The following MYO1B variants were observed in gnomAD, a reference collection of about 807,000 sequenced individuals.
MYO1B encodes the protein unconventional myosin-Ib.
A neutral mutation model predicts 159.7 loss-of-function variants in MYO1B; 72 were observed. That is an observed-to-expected ratio of 0.45 (90% confidence interval 0.37 to 0.55). The LOEUF (loss-of-function observed/expected upper bound fraction) is 0.55. MYO1B is among the 20% of genes least tolerant of loss of function. The pLI is 0.00. For missense variants in MYO1B, 1,062 were observed against 1,364.8 expected, an observed-to-expected ratio of 0.78 and a Z score of 3.50; for synonymous variants, 468 against 473.8, an observed-to-expected ratio of 0.99 and a Z score of 0.16.
intron 13 of MYO1B, among the ~76,000 whole-genome samples, chr2:191,380,126 T>C (rs1037651409): frequency 1.3e-5 from 2 of 152,204 alleles, no homozygotes; most frequent in African/African-American, 2.4e-5. Context: ...GAGTTTAAAA[T>C]TTCCTCTGAT....
Position 191,363,803 on chromosome 2 carries a change from C to T in MYO1B, c.841C>T (p.Leu281=), listed in dbSNP as rs1693829764. 3.7e-6 allele frequency: 6 copies of T among 1,613,392 alleles called. No homozygotes were observed. The highest frequency in any genetic ancestry group is 1.1e-5 in the South Asian group (1 of 91,032). The change falls in exon 10 of 31, where the codon CTG becomes TTG. Residue 281 remains leucine, a synonymous_variant. Coordinates refer to ENST00000392318, the MANE Select transcript of MYO1B (RefSeq NM_001130158.3). Reference sequence around the variant, plus strand: ...GGCGGTGGTGGCAGCAGTGTTGAAACTGGGGAACATTGAGTTCAAGCCCGA... The same window carrying T: ...GGCGGTGGTGGCAGCAGTGTTGAAATTGGGGAACATTGAGTTCAAGCCCGA... ...VLAVVAAVLK[L]GNIEFKPESR...
At chr2:191,310,232 T>C (rs182230072) in intron 3 of MYO1B, among the ~76,000 whole-genome samples, 20 of 152,286 alleles carry the variant, frequency 1.3e-4, no homozygotes, top group African/African-American at 4.8e-4. Flanking sequence ...AGACAGAATC[T>C]TACACTCTCA....
intron 3 of MYO1B, among the ~76,000 whole-genome samples, chr2:191,306,021 T>A (rs969163406): frequency 1.6e-4 from 25 of 152,188 alleles, no homozygotes; most frequent in Middle Eastern, 3.4e-3. Flanking sequence ...GACAAAAATC[T>A]TGGCCTTTTT....
chr2:191,292,085 C>G (rs147022338), intron 2 of MYO1B, among the ~76,000 whole-genome samples: 2 of 152,132 alleles, frequency 1.3e-5, no homozygotes, highest in Non-Finnish European at 2.9e-5. Context: ...TAGGATGAAC[C>G]TGTTAGGAGT....
chr2:191,414,471 A>G (rs936320772), intron 28 of MYO1B, 46 bp from the exon 29 acceptor site: 14 of 1,522,234 alleles, frequency 9.2e-6, no homozygotes, highest in Admixed American at 2.2e-5. Flanking sequence ...ACCATTTTTG[A>G]GTATTTGTGA....
chr2:191,297,651 A>G (rs1370568150), intron 3 of MYO1B, among the ~76,000 whole-genome samples: 1 of 152,188 alleles, frequency 6.6e-6, no homozygotes, highest in Non-Finnish European at 1.5e-5. Flanking sequence ...TTGGTTGCGG[A>G]AAAGATTTAT....
At chr2:191,368,646 G>GAACT (rs1694164165) in intron 11 of MYO1B, among the ~76,000 whole-genome samples, 1 of 152,244 alleles carries the variant, frequency 6.6e-6, no homozygotes, top group Admixed American at 6.5e-5. Flanking sequence ...TAACTTAAAA[G>GAACT]AACTCATTGT....
At chr2:191,392,980 A>G (rs1245840382) in intron 19 of MYO1B, 93 bp from the exon 20 acceptor site, 7 of 1,136,986 alleles carry the variant, frequency 6.2e-6, no homozygotes, top group African/African-American at 3.1e-5. Context: ...ATTGACTCCA[A>G]CATGATGGCA....
At chr2:191,376,529 C>T (rs947554911) in intron 13 of MYO1B, among the ~76,000 whole-genome samples, 5 of 152,092 alleles carry the variant, frequency 3.3e-5, no homozygotes, top group Non-Finnish European at 4.4e-5. Flanking sequence ...ACTCAAAATC[C>T]TGTAACTTTT....
intron 2 of MYO1B, among the ~76,000 whole-genome samples, chr2:191,281,778 G>A (rs777619363): frequency 5.9e-5 from 9 of 152,338 alleles, no homozygotes; most frequent in East Asian, 1.9e-4. Context: ...GTTCTCTGAC[G>A]AGAAGTATAT....
chr2:191,422,233 T>A (rs910009714), intron 30 of MYO1B, among the ~76,000 whole-genome samples: 1 of 152,184 alleles, frequency 6.6e-6, no homozygotes, highest in African/African-American at 2.4e-5. Context: ...GTCATAATGC[T>A]ATGCTAATTA....
intron 30 of MYO1B, among the ~76,000 whole-genome samples, chr2:191,417,307 A>AT (rs1226024844): frequency 6.6e-6 from 1 of 152,150 alleles, no homozygotes; most frequent in Admixed American, 6.5e-5. Context: ...TATATTGGAA[A>AT]TTGCTGTTCG....
intron 13 of MYO1B, among the ~76,000 whole-genome samples, chr2:191,374,365 G>A (rs551085058): frequency 2.0e-5 from 3 of 152,328 alleles, no homozygotes; most frequent in African/African-American, 7.2e-5. Context: ...TCAATTGACT[G>A]TAGGAATTAA....
chr2:191,264,229 T>C (rs1483563418), intron 1 of MYO1B, among the ~76,000 whole-genome samples: 1 of 152,232 alleles, frequency 6.6e-6, no homozygotes, highest in Non-Finnish European at 1.5e-5. Context: ...TTAGCTATTT[T>C]TGTTTGATCA....
chr2:191,387,841 A>G (rs1695485761), intron 17 of MYO1B: 1 of 286,016 alleles, frequency 3.5e-6, no homozygotes, highest in Non-Finnish European at 6.7e-6. Context: ...CTATTAGCTT[A>G]GAGCACAGCA....
intron 3 of MYO1B, among the ~76,000 whole-genome samples, chr2:191,328,818 C>T (rs1005002041): frequency 6.6e-6 from 1 of 152,170 alleles, no homozygotes; most frequent in Non-Finnish European, 1.5e-5. Context: ...ATTTGTCTTG[C>T]TCATTCATTC....
rs149582933 is a variant in MYO1B at position 191,383,922 on chromosome 2, A to G, written c.1353+580A>G. ...TAAGTTTAAGTGACATAAAGGGACA[A>G]CCTCTGGAGCTGAATTAAGTGGGAC... On this transcript the variant is annotated intron_variant, in intron 15 of 30. Coordinates refer to ENST00000392318, the MANE Select transcript of MYO1B (RefSeq NM_001130158.3). Among the ~76,000 whole-genome samples, 482 of 152,244 alleles carry G rather than the reference A, an allele frequency of 3.2e-3. 1 individual carries two copies. The highest frequency in any genetic ancestry group is 0.011 in the African/African-American group (471 of 41,554).
Position 191,423,899 on chromosome 2 carries a change from A to G in MYO1B, c.3350A>G (p.Asn1117Ser), listed in dbSNP as rs761673124. Residue 1117 changes from asparagine to serine, a missense_variant, in exon 31 of 31, where the codon AAT becomes AGT. Asn to Ser is a conservative substitution (Grantham distance 46). Transcript: ENST00000392318. ...AAGTTTATTCAGGGAAACCAGAAAAATGGGAGTGTCCCAACATGTAAACGA... is the reference window on the plus strand; with the variant it reads ...AAGTTTATTCAGGGAAACCAGAAAAGTGGGAGTGTCCCAACATGTAAACGA... ...CVKFIQGNQK[N>S]GSVPTCKRKN... is the part of the protein sequence containing the mutation. 17 of 1,613,906 alleles carry G rather than the reference A, an allele frequency of 1.1e-5. No homozygotes were observed. In the Admixed American group the frequency reaches 2.5e-4, roughly 24 times the overall value.
At chr2:191,400,351 A>T (rs751559363) in intron 21 of MYO1B, 31 bp from the exon 22 acceptor site, 4 of 1,610,268 alleles carry the variant, frequency 2.5e-6, no homozygotes, top group Non-Finnish European at 2.5e-6. Flanking sequence ...ATTTTTAAAC[A>T]TTCTCTCTTT....
Sources: allele counts gnomAD v4.1 joint callset (sites outside exome capture counted in the v4.1 genomes callset), GRCh38; gene constraint gnomAD v4.1.1; transcripts MANE v1.5; gene names NCBI Gene and HGNC (gene_info 2026-07-23, HGNC 2026-07-21).